Variants in KDM5A observed in about 807,000 individuals in gnomAD.
The protein encoded by KDM5A is lysine demethylase 5A.
A neutral mutation model predicts 193.5 loss-of-function variants in KDM5A; 42 were observed. The observed-to-expected ratio is 0.22, with a 90% CI of 0.17 to 0.28. The LOEUF (loss-of-function observed/expected upper bound fraction) is 0.28, where lower values mean the gene tolerates loss of function less well. Ranked by LOEUF, KDM5A falls within the 10% of genes least tolerant of loss-of-function variation. The pLI, the probability that KDM5A is intolerant of heterozygous loss-of-function variation, is 1.00. For missense variants in KDM5A, 1,692 were observed against 2,055.1 expected (o/e 0.82, Z 3.42); for synonymous variants, 796 against 718.1 (o/e 1.11, Z -1.73).
chr12:287,144 ACCTT>A (rs1943228578), intron 27 of KDM5A, among the ~76,000 whole-genome samples: 1 of 152,198 alleles, frequency 6.6e-6, no homozygotes, highest in Admixed American at 6.5e-5. Context: ...AACGTTCTGC[ACCTT>A]GATACAACTG....
chr12:329,090 T>TA, intron 13 of KDM5A, 61 bp from the exon 14 acceptor site: 2 of 1,389,592 alleles, frequency 1.4e-6, no homozygotes, highest in Non-Finnish European at 2.0e-6. Context: ...ACAGAACCAC[T>TA]ACTTACCCTC....
At chr12:355,770 T>A (rs1944223373) in intron 6 of KDM5A, among the ~76,000 whole-genome samples, 1 of 152,210 alleles carries the variant, frequency 6.6e-6, no homozygotes, top group African/African-American at 2.4e-5. Flanking sequence ...ATTGTATGAC[T>A]TTACACATCT....
At chr12:311,191 A>C in intron 20 of KDM5A, 127 bp from the exon 21 acceptor site, 1 of 816,680 alleles carries the variant, frequency 1.2e-6, no homozygotes, top group Admixed American at 2.3e-5. Context: ...ATGTAATTCC[A>C]TCTCTTGAAT....
At chr12:316,969 A>T (rs901905399) in intron 19 of KDM5A, among the ~76,000 whole-genome samples, 10 of 152,220 alleles carry the variant, frequency 6.6e-5, no homozygotes, top group Admixed American at 6.5e-4. Flanking sequence ...TGATCTCTCC[A>T]GGCACCCCAG....
chr12:387,273 A>T (rs7965303), intron 1 of KDM5A: 250,264 of 361,174 alleles, frequency 0.69, 88,010 homozygotes, highest in Middle Eastern at 0.75. Flanking sequence ...AATCTGCCAA[A>T]ACTAAAATTA....
At chr12:300,443 T>G (rs1326306900) in intron 24 of KDM5A, among the ~76,000 whole-genome samples, 3 of 152,112 alleles carry the variant, frequency 2.0e-5, no homozygotes, top group Non-Finnish European at 4.4e-5. Flanking sequence ...ACTGGGTACA[T>G]AAAGAAATGA....
At chr12:371,097 A>G (rs375593048) in intron 3 of KDM5A, among the ~76,000 whole-genome samples, 9 of 152,182 alleles carry the variant, frequency 5.9e-5, no homozygotes, top group African/African-American at 1.9e-4. Flanking sequence ...TGTCTTTATA[A>G]CAGCATGATT....
intron 19 of KDM5A, among the ~76,000 whole-genome samples, chr12:316,292 C>G (rs937086766): frequency 6.6e-6 from 1 of 152,290 alleles, no homozygotes; most frequent in Admixed American, 6.5e-5. Context: ...ATTTCTCTCT[C>G]TCTCTCTACT....
intron 4 of KDM5A, among the ~76,000 whole-genome samples, chr12:363,721 A>T (rs1017244623): frequency 6.6e-6 from 1 of 152,208 alleles, no homozygotes; most frequent in South Asian, 2.1e-4. Flanking sequence ...CTTGGAAAAG[A>T]TTTCTTAAAT....
intron 27 of KDM5A, among the ~76,000 whole-genome samples, chr12:287,967 T>C (rs1259816559): frequency 1.3e-5 from 2 of 152,216 alleles, no homozygotes; most frequent in Admixed American, 1.3e-4. Context: ...TAAGCCCAGA[T>C]CTTCTACCAT....
At chr12:388,845 G>C in intron 1 of KDM5A, 82 bp downstream of exon 1, 3 of 1,468,806 alleles carry the variant, frequency 2.0e-6, no homozygotes, top group Non-Finnish European at 2.9e-6. Flanking sequence ...AACGAGACAA[G>C]GATCAGAAAA....
Position 313,043 on chromosome 12 carries a change from A to G in KDM5A, c.3036+13T>C. ...ATTACCTGATAGGTGGGATAATCCA[A>G]AAGTCTTCTTACCTGAATAGCTTCC... On this transcript the variant is annotated intron_variant, in intron 20 of 27. Transcript: ENST00000399788. 6.2e-7 allele frequency: 1 copy of G among 1,614,054 alleles called. No homozygotes were observed. Among genetic ancestry groups the G allele is most frequent in the Non-Finnish European group, 8.5e-7 (1 of 1,179,888 alleles).
chr12:294,331 CATAACATAAACCTA>C (rs1435574220), intron 26 of KDM5A, among the ~76,000 whole-genome samples: 1 of 152,056 alleles, frequency 6.6e-6, no homozygotes, highest in Non-Finnish European at 1.5e-5. Flanking sequence ...ACTGAAGAAA[CATAACATAAACCTA>C]ATAATTCCCT....
At chr12:296,947 C>G (rs532569040) in intron 25 of KDM5A, 94 bp downstream of exon 25, 1 of 1,305,050 alleles carries the variant, frequency 7.7e-7, no homozygotes, top group Admixed American at 1.8e-5. Context: ...CCATTGTACT[C>G]CACTCGAAAT....
chr12:384,904 T>C (rs1944621139), intron 2 of KDM5A, among the ~76,000 whole-genome samples: 2 of 152,180 alleles, frequency 1.3e-5, no homozygotes, highest in African/African-American at 4.8e-5. Flanking sequence ...AAAATATGCA[T>C]TGCGGCCAGG....
rs948110800 is a variant in KDM5A at position 285,551 on chromosome 12, T to C, written c.4978A>G (p.Lys1660Glu). The part of the protein sequence containing the change: ...NEDYICINCA[K>E]KQGPVSPGPA... ...CCTGGGCTAACTGGCCCCTGCTTCT[T>C]TGCACAGTTTATACAGATGTAATCT... The change falls in exon 28 of 28, where the codon AAG becomes GAG. Residue 1660 changes from lysine to glutamate, a missense_variant. Physicochemically the swap from Lys to Glu is moderately conservative, Grantham distance 56 (BLOSUM62 1). This residue lies in a region of KDM5A where 23 missense variants were observed against 61.5 expected (regional missense o/e 0.37). Coordinates refer to ENST00000399788, the MANE Select transcript of KDM5A (RefSeq NM_001042603.3). 6 of 1,613,930 alleles carry C rather than the reference T, an allele frequency of 3.7e-6. No homozygotes were observed. The highest frequency in any genetic ancestry group is 4.5e-5 in the East Asian group (2 of 44,882).
chr12:355,622 G>A (rs1944222008), intron 6 of KDM5A, among the ~76,000 whole-genome samples: 2 of 151,974 alleles, frequency 1.3e-5, no homozygotes, highest in Non-Finnish European at 2.9e-5. Context: ...AATTACAAGA[G>A]TAACAAAAAT....
At chr12:316,380 C>G (rs1943650871) in intron 19 of KDM5A, among the ~76,000 whole-genome samples, 1 of 152,118 alleles carries the variant, frequency 6.6e-6, no homozygotes, top group Non-Finnish European at 1.5e-5. Context: ...GAAATAGCAC[C>G]TGGCATGTAG....
chr12:334,386 G>T lies in KDM5A; in HGVS notation c.1345C>A (p.Pro449Thr), dbSNP rs760194850. 6.2e-7 allele frequency: 1 copy of T among 1,613,886 alleles called. No homozygotes were observed. Among genetic ancestry groups the T allele is most frequent in the South Asian group, 1.1e-5 (1 of 91,076 alleles). The stretch of plus-strand genomic sequence containing the variant: ...GCAAGAACAGACTGTTCCAGGACAG[G>T]CATGTTATTCAAATTCCAACCAGAA... ...ALSGWNLNNM[P>T]VLEQSVLAHI... Residue 449 changes from proline (P) to threonine (T), a missense_variant, in exon 11 of 28, where the codon CCT (proline) becomes ACT (threonine). Transcript: ENST00000399788.
Sources: allele counts gnomAD v4.1 joint callset (sites outside exome capture counted in the v4.1 genomes callset), GRCh38; gene constraint gnomAD v4.1.1; regional missense constraint gnomAD v4.1.1; transcripts MANE v1.5; gene names NCBI Gene and HGNC (gene_info 2026-07-23, HGNC 2026-07-21).